GSE1: variants seen among roughly 807,000 people sequenced by gnomAD.
The protein encoded by GSE1 is genetic suppressor element 1.
Under a neutral mutation model 112.6 loss-of-function variants are expected in GSE1, and 32 were observed. The ratio of observed to expected loss-of-function variants is 0.28; its 90% CI spans 0.21 to 0.38. The LOEUF (loss-of-function observed/expected upper bound fraction) is 0.38. GSE1 is among the 10% of genes least tolerant of loss of function. The pLI is 1.00. For missense variants in GSE1, 2,348 were observed against 1,699.2 expected, an observed-to-expected ratio of 1.38 and a Z score of -6.71; for synonymous variants, 1,115 against 735.6, an observed-to-expected ratio of 1.52 and a Z score of -8.35.
intron 1 of GSE1, among the ~76,000 whole-genome samples, chr16:85,354,725 C>CCATA (rs1166743839): frequency 1.1e-4 from 17 of 152,234 alleles, no homozygotes; most frequent in African/African-American, 2.4e-4. Flanking sequence ...GGGTGCTGCC[C>CCATA]CATAAGCCGT....
intron 1 of GSE1, among the ~76,000 whole-genome samples, chr16:85,331,393 G>GCGTATATA (rs1597407795): frequency 1.1e-5 from 1 of 91,542 alleles, no homozygotes; most frequent in African/African-American, 3.7e-5. Flanking sequence ...GTATATATAT[G>GCGTATATA]TGTATATATG....
intron 1 of GSE1, among the ~76,000 whole-genome samples, chr16:85,184,339 C>G (rs1323141999): frequency 6.6e-6 from 1 of 152,212 alleles, no homozygotes; most frequent in African/African-American, 2.4e-5. Flanking sequence ...CCCTGCATGC[C>G]TGGCAAATTC....
rs1352386833 is a variant in GSE1 at position 85,648,734 on chromosome 16, A to G, written c.409A>G (p.Arg137Gly). The G allele has an allele frequency of 6.3e-7, 1 of 1,592,856 alleles. No individual in the cohort carries two copies. The highest frequency in any genetic ancestry group is 1.7e-5 in the Admixed American group (1 of 57,516). The change falls in exon 3 of 16, where the codon AGG becomes GGG. Residue 137 changes from arginine (R) to glycine (G), a missense_variant. Physicochemically the swap from Arg to Gly is moderately radical, Grantham distance 125. Transcript: ENST00000253458. ...AACCAAAACCGTGAATGGTGTCTGG[A>G]GGAGTGAGAGCCGGCAGGTGAGTGG... is the stretch of plus-strand genomic sequence containing the variant. Reference protein sequence around the residue: ...APTKTVNGVWRSESRQDAGSR... With the variant: ...APTKTVNGVWGSESRQDAGSR...
At chr16:85,552,567 C>CAG (rs1371468727), upstream of GSE1, among the ~76,000 whole-genome samples, 1 of 150,410 alleles carries the variant, frequency 6.6e-6, no homozygotes, top group Non-Finnish European at 1.5e-5. Context: ...CTCCTGACCT[C>CAG]GTGATCCGTC....
chr16:85,396,091 C>G lies in GSE1; in HGVS notation c.2464+38448C>G, dbSNP rs543000924. 1.4e-4 allele frequency among the ~76,000 whole-genome samples: 21 copies of G among 152,360 alleles called. No homozygotes were observed. The South Asian group carries it at 4.3e-3, about 32-fold the overall frequency. On this transcript the variant is annotated intron_variant, in intron 2 of 2. Coordinates refer to the GSE1 transcript ENST00000637419. ...GATGAAAGCTTCAGCCCCAAGTGGC[C>G]TGTTTCCAGCCTCAGTCTGTCCACT...
chr16:85,210,134 C>A (rs6564108), intron 1 of GSE1, among the ~76,000 whole-genome samples: 99,507 of 152,096 alleles, frequency 0.65, 33,008 homozygotes, highest in African/African-American at 0.72. Context: ...GTGTCGTATT[C>A]GTCTTTACTG....
chr16:85,232,083 G>C (rs1330743594), intron 1 of GSE1, among the ~76,000 whole-genome samples: 1 of 152,230 alleles, frequency 6.6e-6, no homozygotes, highest in Admixed American at 6.5e-5. Flanking sequence ...GAGACATAAA[G>C]CAGCAAAAGC....
chr16:85,414,149 GC>G (rs1319462525), intron 2 of GSE1, among the ~76,000 whole-genome samples: 4 of 152,180 alleles, frequency 2.6e-5, no homozygotes, highest in Admixed American at 2.6e-4. Flanking sequence ...TCCCCCATGG[GC>G]CCACGCTCCC....
intron 2 of GSE1, among the ~76,000 whole-genome samples, chr16:85,457,616 C>G (rs955963727): frequency 2.6e-5 from 4 of 152,246 alleles, no homozygotes; most frequent in Admixed American, 1.3e-4. Flanking sequence ...GCTACCTGCA[C>G]ACAGCACCCC....
chr16:85,362,069 C>T (rs1323743692), intron 2 of GSE1, among the ~76,000 whole-genome samples: 1 of 152,122 alleles, frequency 6.6e-6, no homozygotes, highest in Non-Finnish European at 1.5e-5. Flanking sequence ...AGTACAGCTC[C>T]AGGGCTGGGG....
intron 1 of GSE1, among the ~76,000 whole-genome samples, chr16:85,218,706 G>T (rs547395629): frequency 6.6e-6 from 1 of 152,364 alleles, no homozygotes; most frequent in South Asian, 2.1e-4. Context: ...GCTCACCCAT[G>T]ACCTGCCTTC....
intron 1 of GSE1, among the ~76,000 whole-genome samples, chr16:85,631,987 G>A (rs1459760094): frequency 6.6e-6 from 1 of 152,260 alleles, no homozygotes; most frequent in Non-Finnish European, 1.5e-5. Flanking sequence ...GGAGCAGAGA[G>A]CAGCTGGCAG....
At position 85,673,075 on chromosome 16, in the gene GSE1, T is replaced by C. The variant is rs959422201; in HGVS notation, c.*536T>C. ...TTTCATTTTACTTTCCTGCAAAATT[T>C]TCTTCAAAGCAACAAGTCCTAGGAG... On this transcript the variant is annotated 3_prime_UTR_variant, in exon 16 of 16. Transcript: ENST00000253458. The C allele has an allele frequency of 1.3e-5, 2 of 151,798 alleles. No individual in the cohort carries two copies. Among genetic ancestry groups the C allele is most frequent in the Admixed American group, 1.3e-4 (2 of 15,302 alleles). 9.4% of individuals were successfully genotyped at this position (151,798 alleles called of 1,614,324 possible).
intron 1 of GSE1, among the ~76,000 whole-genome samples, chr16:85,288,882 C>T (rs1349282701): frequency 6.6e-6 from 1 of 152,128 alleles, no homozygotes; most frequent in Non-Finnish European, 1.5e-5. Context: ...CCCTCTTTGC[C>T]AACTGAGACA....
chr16:85,352,694 T>G (rs1372100520), intron 1 of GSE1, among the ~76,000 whole-genome samples: 1 of 152,208 alleles, frequency 6.6e-6, no homozygotes, highest in Non-Finnish European at 1.5e-5. Context: ...AACTTTTGTC[T>G]CCACCTTCAA....
At chr16:85,238,309 C>T (rs866454923) in intron 1 of GSE1, among the ~76,000 whole-genome samples, 2 of 152,218 alleles carry the variant, frequency 1.3e-5, no homozygotes, top group African/African-American at 4.8e-5. Flanking sequence ...TCCCTCAGTG[C>T]CTGTTTGTTT....
At chr16:85,246,787 C>CT (rs1044804082) in intron 1 of GSE1, among the ~76,000 whole-genome samples, 9 of 152,158 alleles carry the variant, frequency 5.9e-5, no homozygotes, top group Non-Finnish European at 1.0e-4. Context: ...GGGGAGCCTC[C>CT]CCCCTGGATG....
intron 1 of GSE1, among the ~76,000 whole-genome samples, chr16:85,298,532 A>G (rs1421598592): frequency 2.6e-5 from 4 of 152,062 alleles, no homozygotes; most frequent in Non-Finnish European, 4.4e-5. Context: ...GGTTCAAGCA[A>G]TTCTCCTGCT....
chr16:85,349,101 T>A (rs1597457106), intron 1 of GSE1, among the ~76,000 whole-genome samples: 1 of 152,178 alleles, frequency 6.6e-6, no homozygotes, highest in African/African-American at 2.4e-5. Flanking sequence ...ATTTGCCGGG[T>A]GCTGTGTGTA....
Sources: gnomAD v4.1 joint callset for allele counts (sites outside exome capture counted in the v4.1 genomes callset) on GRCh38, gnomAD v4.1.1 for gene constraint, MANE v1.5 for transcripts, NCBI Gene and HGNC (gene_info 2026-07-23, HGNC 2026-07-21) for gene names.